NEB: variants seen among roughly 807,000 people sequenced by gnomAD.
The protein encoded by NEB is nemaline myopathy type 2.
NEB carries 512 observed loss-of-function variants against 952.2 expected under a neutral mutation model. That is an observed-to-expected ratio of 0.54 (90% CI 0.50 to 0.58). NEB has a LOEUF of 0.58. NEB is among the 20% of genes least tolerant of loss of function. The pLI is 0.00. For synonymous variants in NEB, 2,900 were observed against 3,149.8 expected (o/e 0.92, Z 2.66); for missense variants, 8,428 against 9,231.1 (o/e 0.91, Z 3.56).
In NEB at chr2:151,485,694, G is replaced by C. The variant is rs191006696; in HGVS notation, c.*66C>G. On this transcript the variant is annotated 3_prime_UTR_variant, in exon 182 of 182. Coordinates refer to ENST00000397345, the MANE Select transcript of NEB (RefSeq NM_001164508.2). ...TTGAGAACTTAGGTAACAGTGGAGA[G>C]TCTAAACCGAAACATTGACTGCAGG... 432 of 1,494,050 alleles carry C rather than the reference G, an allele frequency of 2.9e-4. No homozygotes were observed. Among genetic ancestry groups the C allele is most frequent in the South Asian group, 1.2e-4 (9 of 76,038 alleles). 92.5% of individuals were successfully genotyped at this position (1,494,050 alleles called of 1,614,324 possible). A position where few individuals can be genotyped will look rare whatever the true frequency, so the allele number is the denominator to read the frequency against.
At position 151,725,439 on chromosome 2, in the gene NEB, G is replaced by A; in HGVS notation, c.402+14C>T. ...TGAAATGTCCCTCTCCTTTATTTCAGCAATGCAGCCCACCTCACTGAGTTG... is the reference window on the plus strand; with the variant it reads ...TGAAATGTCCCTCTCCTTTATTTCAACAATGCAGCCCACCTCACTGAGTTG... On this transcript the variant is annotated intron_variant, in intron 6 of 181. Transcript: ENST00000397345. 3 of 1,599,004 alleles carry A rather than the reference G, an allele frequency of 1.9e-6. No individual in the cohort carries two copies. Among genetic ancestry groups the A allele is most frequent in the Non-Finnish European group, 2.6e-6 (3 of 1,168,306 alleles).
At chr2:151,564,913 C>T in intron 117 of NEB, 131 bp downstream of exon 117, 2 of 570,668 alleles carry the variant, frequency 3.5e-6, no homozygotes. Flanking sequence ...ATACACAAGA[C>T]TAAGTGCAAT....
intron 129 of NEB, among the ~76,000 whole-genome samples, chr2:151,551,059 C>T (rs937120157): frequency 6.6e-6 from 1 of 151,806 alleles, no homozygotes. Context: ...CCTCCGCCCC[C>T]TGGGTTCAAA....
At chr2:151,504,725 TG>T (rs1284780632) in intron 165 of NEB, among the ~76,000 whole-genome samples, 3 of 152,192 alleles carry the variant, frequency 2.0e-5, no homozygotes, top group African/African-American at 4.8e-5. Context: ...GCCTAGAATC[TG>T]CGTATGGATG....
chr2:151,630,594 G>A (rs1210116249), intron 67 of NEB, 121 bp downstream of exon 67: 1 of 710,852 alleles, frequency 1.4e-6, no homozygotes, highest in Non-Finnish European at 2.4e-6. Context: ...TGAAAGGTTG[G>A]ATGAGTGGAG....
intron 20 of NEB, chr2:151,692,583 C>T: frequency 5.3e-6 from 3 of 566,774 alleles, no homozygotes; most frequent in Non-Finnish European, 6.3e-6. Context: ...GTTACTTTTC[C>T]TAATATTTTT....
intron 166 of NEB, 124 bp from the exon 167 acceptor site, chr2:151,503,009 G>T: frequency 1.6e-6 from 1 of 633,318 alleles, no homozygotes; most frequent in South Asian, 2.0e-5. Context: ...ATTTAGTAAG[G>T]ATAATGTTTT....
intron 167 of NEB, among the ~76,000 whole-genome samples, chr2:151,502,419 A>G (rs1324554786): frequency 6.6e-6 from 1 of 152,118 alleles, no homozygotes; most frequent in African/African-American, 2.4e-5. Context: ...CTGCAAACAT[A>G]AAGAATACAT....
rs2288210 is a variant in NEB at position 151,565,562 on chromosome 2, C to G, written c.18305G>C (p.Arg6102Thr). The G allele has an allele frequency of 0.67, 1,062,286 of 1,593,254 alleles. 357,250 individuals carry two copies. Among genetic ancestry groups the G allele is most frequent in the East Asian group, 0.82 (36,549 of 44,678 alleles). The change falls in exon 116 of 182, where the codon AGA becomes ACA. Residue 6102 changes from arginine to threonine, a missense_variant. By Grantham distance (71) the Arg-to-Thr change is moderately conservative. Transcript: ENST00000397345. ...AATCTCTGGAGGATCCACCACACTT[C>G]TAAAGTTAGGATAGTTTTCAAGGGC... ...KNALENYPNF[R>T]SVVDPPEIVL...
At chr2:151,684,061 G>A (rs575683350) in intron 28 of NEB, among the ~76,000 whole-genome samples, 2 of 152,102 alleles carry the variant, frequency 1.3e-5, no homozygotes, top group African/African-American at 4.8e-5. Flanking sequence ...ACAAGCTAGG[G>A]GAAGAAGGAA....
chr2:151,539,503 T>C (rs2093721551), intron 138 of NEB, among the ~76,000 whole-genome samples: 1 of 152,192 alleles, frequency 6.6e-6, no homozygotes. Context: ...CCTAGAGCTA[T>C]GTTGCTAAGT....
chr2:151,675,265 T>C (rs769378080), intron 35 of NEB, 22 bp downstream of exon 35: 3 of 1,489,124 alleles, frequency 2.0e-6, no homozygotes, highest in Non-Finnish European at 1.8e-6. Context: ...GAATTTCACA[T>C]CCCAGCAAAG....
rs2084197089 is a variant in NEB, at chr2:151,524,538, G to A, written c.22351C>T (p.Gln7451Ter). ...ACCTCACTGGCCTGTTTGGCTGCCT[G>A]TGTGGCCTTCTTGATGTCTGGTCGA... Reference protein sequence around the residue: ...ADRPDIKKATQAAKQASEVEY... With the variant: ...ADRPDIKKAT Residue 7451 changes from glutamine (Q) to a stop codon, truncating the protein, a stop_gained, in exon 152 of 182, where the codon CAG (glutamine) becomes TAG (stop). Transcript: ENST00000397345. LOFTEE classifies it high-confidence loss of function. 6.2e-7 allele frequency: 1 copy of A among 1,613,456 alleles called. No homozygotes were observed. The highest frequency in any genetic ancestry group is 1.3e-5 in the African/African-American group (1 of 74,782).
At chr2:151,570,686 G>T in intron 107 of NEB, 85 bp from the exon 108 acceptor site, 1 of 1,246,100 alleles carries the variant, frequency 8.0e-7, no homozygotes. Flanking sequence ...TACCACAGGG[G>T]CACAGTTTTG....
At chr2:151,724,417 A>G in intron 7 of NEB, 53 bp from the exon 8 acceptor site, 1 of 1,377,888 alleles carries the variant, frequency 7.3e-7, no homozygotes, top group Non-Finnish European at 1.0e-6. Flanking sequence ...CAAAGGCATG[A>G]GGATTTAAAC....
rs1323989863 is a variant in NEB, at chr2:151,660,711, A to G, written c.5970+1424T>C. On this transcript the variant is annotated intron_variant, in intron 46 of 181. Transcript: ENST00000397345. ...CTACTCAACTCTGCTGTTGTAGTCC[A>G]AAAGCAGCCAGAGACCACACGCCAA... Among the ~76,000 whole-genome samples the G allele has an allele frequency of 3.3e-5, 5 of 152,320 alleles. No individual in the cohort carries two copies. In the East Asian group the frequency reaches 9.6e-4, roughly 29 times the overall value.
intron 68 of NEB, 120 bp from the exon 69 acceptor site, chr2:151,627,954 A>G (rs1574290528): frequency 1.5e-6 from 2 of 1,295,898 alleles, no homozygotes; most frequent in East Asian, 5.0e-5. Context: ...AAGAATCTGC[A>G]TATCAGTTTA....
At chr2:151,675,783 A>G (rs988742398) in intron 34 of NEB, among the ~76,000 whole-genome samples, 11 of 152,188 alleles carry the variant, frequency 7.2e-5, no homozygotes, top group African/African-American at 1.9e-4. Flanking sequence ...AGTTAGAATA[A>G]GTTTTTCACT....
At chr2:151,500,975 T>C (rs1559269356) in intron 168 of NEB, among the ~76,000 whole-genome samples, 1 of 152,188 alleles carries the variant, frequency 6.6e-6, no homozygotes, top group Non-Finnish European at 1.5e-5. Context: ...ATAGGGTCTA[T>C]GTTAAGATGA....
Sources: allele counts gnomAD v4.1 joint callset (sites outside exome capture counted in the v4.1 genomes callset), GRCh38; gene constraint gnomAD v4.1.1; transcripts MANE v1.5; gene names NCBI Gene and HGNC (gene_info 2026-07-23, HGNC 2026-07-21).